Variants in AGBL3 observed in about 807,000 individuals in gnomAD.
The protein encoded by AGBL3 is AGBL carboxypeptidase 3, also known as cytosolic carboxypeptidase 3.
AGBL3 carries 68 observed loss-of-function variants against 94.5 expected under a neutral mutation model. The observed-to-expected ratio is 0.72, with a 90% confidence interval of 0.59 to 0.88. The LOEUF (loss-of-function observed/expected upper bound fraction) is 0.88. Ranked by LOEUF, AGBL3 falls within the 40% of genes least tolerant of loss-of-function variation. The pLI, the probability that AGBL3 is intolerant of heterozygous loss-of-function variation, is 0.00. For missense variants in AGBL3, 934 were observed against 1,103.8 expected (o/e 0.85, Z 2.18); for synonymous variants, 354 against 370.7 (o/e 0.95, Z 0.52).
At chr7:134,997,253 G>A (rs1455044679) in intron 4 of AGBL3, among the ~76,000 whole-genome samples, 1 of 152,180 alleles carries the variant, frequency 6.6e-6, no homozygotes, top group East Asian at 1.9e-4. Flanking sequence ...AAGCTCAGGT[G>A]GTAATGGTCG....
At chr7:135,096,562 T>A (rs28373778) in intron 15 of AGBL3, among the ~76,000 whole-genome samples, 15,025 of 52,610 alleles carry the variant, frequency 0.29, 1,213 homozygotes, top group Middle Eastern at 0.46. Context: ...GAAAGAAAGA[T>A]AGATAGATAG....
At chr7:135,062,374 T>C (rs1427588394) in intron 12 of AGBL3, among the ~76,000 whole-genome samples, 3 of 152,064 alleles carry the variant, frequency 2.0e-5, no homozygotes, top group Non-Finnish European at 4.4e-5. Flanking sequence ...GTCTAATTGC[T>C]CTGGCTAGGA....
At position 135,056,177 on chromosome 7, in the gene AGBL3, T is replaced by A. The variant is rs536163682; in HGVS notation, c.1842-2992T>A. 8.5e-5 allele frequency among the ~76,000 whole-genome samples: 13 copies of A among 152,254 alleles called. No homozygotes were observed. In the East Asian group the frequency reaches 2.5e-3, roughly 29 times the overall value. ...TTCTTGGTTAACCTGGCCAGGGATT[T>A]ATCTATTTTATTGATCTTTTCAAAG... On this transcript the variant is annotated intron_variant, in intron 11 of 16. Coordinates refer to ENST00000436302, the MANE Select transcript of AGBL3 (RefSeq NM_178563.4).
At chr7:135,077,661 G>A (rs1820578874) in intron 13 of AGBL3, among the ~76,000 whole-genome samples, 1 of 152,148 alleles carries the variant, frequency 6.6e-6, no homozygotes, top group Non-Finnish European at 1.5e-5. Context: ...CAGGTCTGCA[G>A]CAACATCAAT....
intron 11 of AGBL3, among the ~76,000 whole-genome samples, chr7:135,052,279 T>G (rs564080819): frequency 6.6e-6 from 1 of 152,322 alleles, no homozygotes; most frequent in South Asian, 2.1e-4. Flanking sequence ...TCACTTACAA[T>G]ACTCTGGAAA....
chr7:135,051,938 C>T (rs1368539880), intron 11 of AGBL3, among the ~76,000 whole-genome samples: 1 of 152,000 alleles, frequency 6.6e-6, no homozygotes, highest in Non-Finnish European at 1.5e-5. Flanking sequence ...GGCTATGCTA[C>T]CAGTCTGACA....
chr7:134,999,394 C>T (rs879544804), intron 4 of AGBL3, among the ~76,000 whole-genome samples: 3 of 152,190 alleles, frequency 2.0e-5, no homozygotes, highest in Admixed American at 1.3e-4. Context: ...CTGCGGTCTC[C>T]GTCTCTCTTG....
chr7:135,089,429 T>C (rs1821594520), intron 15 of AGBL3, among the ~76,000 whole-genome samples: 1 of 152,198 alleles, frequency 6.6e-6, no homozygotes, highest in South Asian at 2.1e-4. Context: ...TGCTTTTTAG[T>C]GTTGCTTGTG....
intron 15 of AGBL3, among the ~76,000 whole-genome samples, chr7:135,095,449 T>G (rs988863927): frequency 1.3e-5 from 2 of 152,208 alleles, no homozygotes; most frequent in Non-Finnish European, 2.9e-5. Context: ...ATTCCAAGCC[T>G]TTGATACTAG....
chr7:135,018,632 T>C (rs180682535), intron 5 of AGBL3, among the ~76,000 whole-genome samples: 4 of 152,336 alleles, frequency 2.6e-5, no homozygotes, highest in African/African-American at 7.2e-5. Flanking sequence ...TTGATTTTCA[T>C]TGAACGTGTG....
intron 5 of AGBL3, among the ~76,000 whole-genome samples, chr7:135,020,369 A>C (rs1055011852): frequency 6.6e-6 from 1 of 152,268 alleles, no homozygotes; most frequent in Non-Finnish European, 1.5e-5. Flanking sequence ...ATACCATCTC[A>C]CACAAGTTAG....
chr7:135,076,551 T>C, intron 13 of AGBL3, 83 bp downstream of exon 13: 1 of 1,073,848 alleles, frequency 9.3e-7, no homozygotes, highest in Non-Finnish European at 1.3e-6. Flanking sequence ...ATACTTCTTA[T>C]ACCCGAATTT....
intron 12 of AGBL3, among the ~76,000 whole-genome samples, chr7:135,066,450 T>C (rs1417189991): frequency 1.3e-5 from 2 of 151,974 alleles, no homozygotes; most frequent in African/African-American, 4.8e-5. Context: ...ACCTGCTTGG[T>C]CAAAAAATTA....
At chr7:135,090,965 G>A (rs968942057) in intron 15 of AGBL3, among the ~76,000 whole-genome samples, 1 of 152,148 alleles carries the variant, frequency 6.6e-6, no homozygotes, top group African/African-American at 2.4e-5. Context: ...TCTCTGGGGG[G>A]AGCACAGCTA....
intron 11 of AGBL3, 64 bp from the exon 12 acceptor site, chr7:135,059,105 G>A: frequency 8.2e-7 from 1 of 1,215,428 alleles, no homozygotes; most frequent in Non-Finnish European, 1.2e-6. Context: ...ATAAATAAAA[G>A]CAACAGTTGA....
intron 4 of AGBL3, among the ~76,000 whole-genome samples, chr7:135,002,652 A>C (rs1289352384): frequency 2.0e-5 from 3 of 152,216 alleles, no homozygotes; most frequent in African/African-American, 4.8e-5. Flanking sequence ...CAGGAGTTGG[A>C]CAAGGTCCAA....
chr7:135,107,344 G>A (rs1226432462), intron 15 of AGBL3, among the ~76,000 whole-genome samples: 3 of 151,898 alleles, frequency 2.0e-5, no homozygotes, highest in Non-Finnish European at 4.4e-5. Context: ...TTCTGATATG[G>A]GCATTTAGTG....
At chr7:135,113,616 G>T (rs1271372723) in intron 15 of AGBL3, among the ~76,000 whole-genome samples, 2 of 152,014 alleles carry the variant, frequency 1.3e-5, no homozygotes, top group Admixed American at 1.3e-4. Context: ...CTTCCTTCAG[G>T]CTTTACTCAG....
chr7:135,059,058 C>T (rs1156566074), intron 11 of AGBL3, 111 bp from the exon 12 acceptor site: 2 of 880,668 alleles, frequency 2.3e-6, no homozygotes, highest in African/African-American at 1.7e-5. Flanking sequence ...CGCCCGGCCA[C>T]TTCTTATAAT....
Sources: gnomAD v4.1 joint callset for allele counts (sites outside exome capture counted in the v4.1 genomes callset) on GRCh38, gnomAD v4.1.1 for gene constraint, MANE v1.5 for transcripts, NCBI Gene and HGNC (gene_info 2026-07-23, HGNC 2026-07-21) for gene names.